Variants in CDH23 observed in about 807,000 individuals in gnomAD.
The protein encoded by CDH23 is cadherin related 23.
Under a neutral mutation model 317.1 loss-of-function variants are expected in CDH23, and 189 were observed. That is an observed-to-expected ratio of 0.60 (90% CI 0.53 to 0.67). The LOEUF (loss-of-function observed/expected upper bound fraction) is 0.67. CDH23 is among the 30% of genes least tolerant of loss of function. CDH23 has a pLI of 0.00. For synonymous variants in CDH23, 1,839 were observed against 1,876.8 expected, an observed-to-expected ratio of 0.98 and a Z score of 0.52; for missense variants, 4,401 against 4,592.4, an observed-to-expected ratio of 0.96 and a Z score of 1.20.
At chr10:71,404,052 A>C (rs894717163) in intron 1 of CDH23, among the ~76,000 whole-genome samples, 2 of 152,226 alleles carry the variant, frequency 1.3e-5, no homozygotes, top group African/African-American at 4.8e-5. Context: ...AGATCGTGCC[A>C]CTGCACTCCA....
At chr10:71,807,495 G>A (rs1184797296) in intron 58 of CDH23, 21 bp from the exon 59 acceptor site, 19 of 1,613,130 alleles carry the variant, frequency 1.2e-5, no homozygotes, top group Non-Finnish European at 1.6e-5. Context: ...CCCTCACCCT[G>A]TGCCATGATC....
At chr10:71,578,440 C>T (rs1422173316) in intron 9 of CDH23, among the ~76,000 whole-genome samples, 1 of 152,172 alleles carries the variant, frequency 6.6e-6, no homozygotes, top group Non-Finnish European at 1.5e-5. Flanking sequence ...CAGCTGATTT[C>T]ATGTTCTTTT....
At chr10:71,718,920 G>A (rs1215338298) in intron 28 of CDH23, among the ~76,000 whole-genome samples, 2 of 151,812 alleles carry the variant, frequency 1.3e-5, no homozygotes, top group Non-Finnish European at 2.9e-5. Flanking sequence ...AAAAAAAAAG[G>A]TTTTTTAATT....
chr10:71,740,960 G>A lies in CDH23; in HGVS notation c.4617+10G>A. The stretch of plus-strand genomic sequence containing the variant: ...TGTCAGTGTGAATGAGGTGAGGGCA[G>A]CCCCGGGGCCCATATAGCTGGACAT... On this transcript the variant is annotated intron_variant, in intron 37 of 69. Transcript: ENST00000224721. 1 of 1,613,848 alleles carries A rather than the reference G, an allele frequency of 6.2e-7. No homozygotes were observed. Among genetic ancestry groups the A allele is most frequent in the African/African-American group, 1.3e-5 (1 of 75,040 alleles).
At chr10:71,631,114 G>A (rs1406114829) in intron 11 of CDH23, among the ~76,000 whole-genome samples, 2 of 152,100 alleles carry the variant, frequency 1.3e-5, no homozygotes, top group Non-Finnish European at 2.9e-5. Flanking sequence ...GCATGGTGGC[G>A]CACACTTGTA....
At chr10:71,518,067 G>A (rs1030282717) in intron 6 of CDH23, among the ~76,000 whole-genome samples, 4 of 147,498 alleles carry the variant, frequency 2.7e-5, no homozygotes, top group African/African-American at 1.1e-4. Flanking sequence ...GGTTGTGTGT[G>A]TGTATGTGTG....
intron 17 of CDH23, 43 bp downstream of exon 17, chr10:71,679,535 T>TG: frequency 5.5e-6 from 8 of 1,448,228 alleles, no homozygotes; most frequent in Non-Finnish European, 6.7e-6. Context: ...GGAGGAGGGC[T>TG]GGGGGGCTCT....
intron 9 of CDH23, among the ~76,000 whole-genome samples, chr10:71,598,676 C>T (rs928134094): frequency 6.6e-6 from 1 of 152,228 alleles, no homozygotes; most frequent in Non-Finnish European, 1.5e-5. Flanking sequence ...GCTCCTGTGA[C>T]TTCTCTTTTT....
rs41281328 is a variant in CDH23 at position 71,777,601 on chromosome 10, G to A, written c.4846-79G>A. Reference sequence around the variant, plus strand: ...GTTTGAGTCACATGGAGTGAGTTCAGCCCAGGAGAACAGCCATCTGGATCC... The same window carrying A: ...GTTTGAGTCACATGGAGTGAGTTCAACCCAGGAGAACAGCCATCTGGATCC... On this transcript the variant is annotated intron_variant, in intron 38 of 69. Coordinates refer to ENST00000224721, the MANE Select transcript of CDH23 (RefSeq NM_022124.6). 0.17 allele frequency: 221,122 copies of A among 1,291,218 alleles called. 20,292 individuals are homozygous for A. Among genetic ancestry groups the A allele is most frequent in the East Asian group, 0.29 (11,572 of 39,628 alleles). 80.0% of individuals were successfully genotyped at this position (1,291,218 alleles called of 1,614,324 possible). A position where few individuals can be genotyped will look rare whatever the true frequency, so the allele number is the denominator to read the frequency against.
chr10:71,797,173 T>C lies in CDH23; in HGVS notation c.6782T>C (p.Ile2261Thr), dbSNP rs773531365. ...ACCTATGAGGTCACTCTCTCAGTGA[T>C]TGACAATGCCAGCGACCTACCAGAG... ...VATYEVTLSV[I>T]DNASDLPERS... The change falls in exon 49 of 70, where the codon ATT becomes ACT. Residue 2261 changes from isoleucine to threonine, a missense_variant. By Grantham distance (89) the Ile-to-Thr change is moderately conservative. This residue lies in a region of CDH23 where 3,068 missense variants were observed against 3,203.3 expected (regional missense o/e 0.96). Coordinates refer to ENST00000224721, the MANE Select transcript of CDH23 (RefSeq NM_022124.6). The C allele has an allele frequency of 4.3e-6, 7 of 1,613,480 alleles. No homozygotes were observed. The highest frequency in any genetic ancestry group is 4.0e-5 in the African/African-American group (3 of 74,892).
At chr10:71,678,628 C>T (rs951587714) in intron 16 of CDH23, among the ~76,000 whole-genome samples, 2 of 152,212 alleles carry the variant, frequency 1.3e-5, no homozygotes, top group African/African-American at 2.4e-5. Flanking sequence ...CCGTACAACC[C>T]TGTCCTGCCC....
intron 6 of CDH23, among the ~76,000 whole-genome samples, chr10:71,519,526 C>T (rs1037187423): frequency 1.3e-5 from 2 of 152,202 alleles, no homozygotes; most frequent in Non-Finnish European, 2.9e-5. Flanking sequence ...AGCTTTGTAT[C>T]GTGAGAACCT....
intron 6 of CDH23, among the ~76,000 whole-genome samples, chr10:71,564,260 C>A (rs1025751428): frequency 5.7e-4 from 87 of 152,262 alleles, no homozygotes; most frequent in Non-Finnish European, 5.9e-4. Flanking sequence ...TCAGACAAGC[C>A]CCCAGTGTAT....
intron 69 of CDH23, 135 bp downstream of exon 69, chr10:71,813,483 C>G: frequency 2.6e-6 from 2 of 771,224 alleles, no homozygotes; most frequent in Non-Finnish European, 2.2e-6. Context: ...TGGGTGGGGG[C>G]CAGGAAGTCA....
At chr10:71,799,917 AT>A (rs1468642203) in intron 52 of CDH23, among the ~76,000 whole-genome samples, 1 of 152,228 alleles carries the variant, frequency 6.6e-6, no homozygotes, top group African/African-American at 2.4e-5. Context: ...CTAAAAAAGC[AT>A]GATTGAAGTC....
At position 71,602,883 on chromosome 10, in the gene CDH23, T is replaced by C. The variant is rs79563081; in HGVS notation, c.833-12621T>C. Among the ~76,000 whole-genome samples, 331 of 152,332 alleles carry C rather than the reference T, an allele frequency of 2.2e-3. 3 individuals are homozygous for C. The highest frequency in any genetic ancestry group is 7.3e-3 in the African/African-American group (305 of 41,572). ...CCAAAGAGGAAACTGAATCTCAGAA[T>C]GTCCACAAGCCCCAAATGATGAAAC... On this transcript the variant is annotated intron_variant, in intron 9 of 69. Transcript: ENST00000224721.
At chr10:71,479,833 A>C (rs941931948) in intron 3 of CDH23, among the ~76,000 whole-genome samples, 1 of 152,084 alleles carries the variant, frequency 6.6e-6, no homozygotes, top group Non-Finnish European at 1.5e-5. Context: ...GTGTGTGTGC[A>C]TCCATAAGGG....
At chr10:71,779,586 A>G (rs1052160091) in intron 41 of CDH23, 139 bp downstream of exon 41, 8 of 612,724 alleles carry the variant, frequency 1.3e-5, no homozygotes, top group Admixed American at 3.1e-5. Context: ...TTCCCCATCT[A>G]TGACAATGAT....
Position 71,777,545 on chromosome 10 carries a change from C to T in CDH23, c.4846-135C>T, listed in dbSNP as rs7901038. 0.42 allele frequency: 306,116 copies of T among 732,334 alleles called. 65,410 individuals are homozygous for T. The highest frequency in any genetic ancestry group is 0.51 in the East Asian group (18,964 of 36,888). 45.4% of individuals were successfully genotyped at this position (732,334 alleles called of 1,614,324 possible). A position where few individuals can be genotyped will look rare whatever the true frequency, so the allele number is the denominator to read the frequency against. On this transcript the variant is annotated intron_variant, in intron 38 of 69. Coordinates refer to ENST00000224721, the MANE Select transcript of CDH23 (RefSeq NM_022124.6). ...TTTCTCTCTCTACCAGCCTGTGACC[C>T]ACCCCCTGCTTTCTTCTCCTTGCCC...
Sources: allele counts gnomAD v4.1 joint callset (sites outside exome capture counted in the v4.1 genomes callset), GRCh38; gene constraint gnomAD v4.1.1; regional missense constraint gnomAD v4.1.1; transcripts MANE v1.5; gene names NCBI Gene and HGNC (gene_info 2026-07-23, HGNC 2026-07-21).